NADSYN1: variants seen among roughly 807,000 people sequenced by gnomAD.
NADSYN1 encodes the protein glutamine-dependent NAD(+) synthetase.
NADSYN1 carries 80 observed loss-of-function variants against 99.3 expected under a neutral mutation model. That is an observed-to-expected ratio of 0.81 (90% confidence interval 0.67 to 0.97). The LOEUF (loss-of-function observed/expected upper bound fraction) is 0.97, where lower values mean the gene tolerates loss of function less well. NADSYN1 is among the 50% of genes least tolerant of loss of function. NADSYN1 has a pLI of 0.00. For missense variants in NADSYN1, 859 were observed against 948.5 expected (o/e 0.91, Z 1.24); for synonymous variants, 385 against 372.1 (o/e 1.03, Z -0.40).
At chr11:71,497,652 G>A (rs1209225241) in intron 19 of NADSYN1, 41 bp downstream of exon 19, 15 of 1,612,760 alleles carry the variant, frequency 9.3e-6, no homozygotes, top group Non-Finnish European at 1.3e-5. Context: ...GGCCAGTTAG[G>A]TAATGTCCCC....
chr11:71,498,804 C>G (rs948507086), intron 20 of NADSYN1: 1 of 307,994 alleles, frequency 3.2e-6, no homozygotes, highest in African/African-American at 2.2e-5. Flanking sequence ...CATGTGCGTG[C>G]CTTACCCCAC....
At chr11:71,490,730 A>C in intron 16 of NADSYN1, 115 bp from the exon 17 acceptor site, 1 of 1,455,140 alleles carries the variant, frequency 6.9e-7, no homozygotes, top group Non-Finnish European at 9.3e-7. Flanking sequence ...GGGATGCTTG[A>C]ATATGCCACA....
At chr11:71,490,807 C>G in intron 16 of NADSYN1, 38 bp from the exon 17 acceptor site, 1 of 1,611,006 alleles carries the variant, frequency 6.2e-7, no homozygotes, top group South Asian at 1.1e-5. Flanking sequence ...AGTCTGCGGC[C>G]CCTTGGGAAC....
intron 6 of NADSYN1, 124 bp from the exon 7 acceptor site, chr11:71,473,154 A>C: frequency 1.1e-6 from 1 of 907,576 alleles, no homozygotes; most frequent in Middle Eastern, 2.2e-4. Flanking sequence ...CCTCTTCGGA[A>C]TGTGCGAGAG....
intron 20 of NADSYN1, chr11:71,498,734 T>C (rs1321813666): frequency 2.0e-6 from 1 of 504,876 alleles, no homozygotes; most frequent in African/African-American, 1.9e-5. Flanking sequence ...ATATTGATGG[T>C]GTCCAACATG....
rs766306292 is a variant in NADSYN1, at chr11:71,474,563, C to G, written c.798+37C>G. ...GCCTGGACATGCCTGGGGGAGGGTT[C>G]TCTGTGCAGAGACCGAGCTCCTGGC... On this transcript the variant is annotated intron_variant, in intron 9 of 20. Transcript: ENST00000319023. The G allele has an allele frequency of 3.4e-5, 55 of 1,613,346 alleles. No homozygotes were observed. In the African/African-American group the frequency reaches 6.4e-4, roughly 19 times the overall value.
chr11:71,500,246 AG>A (rs1949848603), intron 20 of NADSYN1, among the ~76,000 whole-genome samples: 1 of 152,160 alleles, frequency 6.6e-6, no homozygotes, highest in Admixed American at 6.5e-5. Context: ...TAAGGACATG[AG>A]GAAAACCCGC....
chr11:71,454,213 T>A (rs1949498635), intron 1 of NADSYN1, among the ~76,000 whole-genome samples: 1 of 152,182 alleles, frequency 6.6e-6, no homozygotes, highest in Admixed American at 6.5e-5. Flanking sequence ...GGATTATTAT[T>A]ATGATTATTA....
At chr11:71,465,117 G>A (rs1949579136) in intron 5 of NADSYN1, among the ~76,000 whole-genome samples, 1 of 152,118 alleles carries the variant, frequency 6.6e-6, no homozygotes, top group Admixed American at 6.5e-5. Flanking sequence ...CAGAGAAGGG[G>A]CTGTCTGCAG....
Position 71,501,591 on chromosome 11 carries a change from C to T in NADSYN1, c.*239C>T, listed in dbSNP as rs1949858174. The T allele has an allele frequency of 5.7e-6, 3 of 528,980 alleles. No individual in the cohort carries two copies. Among genetic ancestry groups the T allele is most frequent in the South Asian group, 5.2e-5 (2 of 38,482 alleles). The allele number at this position is 528,980 out of a possible 1,614,324, so 32.8% of individuals were successfully genotyped here. A position where few individuals can be genotyped will look rare whatever the true frequency, so the allele number is the denominator to read the frequency against. ...TGACCTCCCGCCAGCGTGCGCTTCC[C>T]CGCGAAGTCTGGCATTCTCCGAAGG... On this transcript the variant is annotated 3_prime_UTR_variant, in exon 21 of 21. Transcript: ENST00000319023.
chr11:71,479,998 G>C (rs1949694911), intron 10 of NADSYN1: 1 of 152,248 alleles, frequency 6.6e-6, no homozygotes, highest in Admixed American at 6.5e-5. Context: ...CCACTGATGG[G>C]CATCGGGAAT....
chr11:71,488,608 C>G (rs12574554), intron 16 of NADSYN1, among the ~76,000 whole-genome samples: 1 of 150,820 alleles, frequency 6.6e-6, no homozygotes, highest in Non-Finnish European at 1.5e-5. Flanking sequence ...GGAGGGGAGG[C>G]GCAGGATAGG....
intron 16 of NADSYN1, among the ~76,000 whole-genome samples, chr11:71,489,999 A>C (rs1949768493): frequency 6.6e-6 from 1 of 152,080 alleles, no homozygotes; most frequent in African/African-American, 2.4e-5. Context: ...GACGGCTGTA[A>C]CCCAGGATCA....
chr11:71,458,439 G>A lies in NADSYN1; in HGVS notation c.158G>A (p.Cys53Tyr), dbSNP rs763960223. 2.5e-6 allele frequency: 4 copies of A among 1,613,796 alleles called. No homozygotes were observed. Among genetic ancestry groups the A allele is most frequent in the Admixed American group, 3.3e-5 (2 of 60,014 alleles). Residue 53 changes from cysteine (C) to tyrosine (Y), a missense_variant, in exon 3 of 21, where the codon TGT becomes TAT. By Grantham distance (194) the Cys-to-Tyr change is radical (BLOSUM62 -2). Transcript: ENST00000319023. Reference protein sequence around the residue: ...GPELEICGYGCWDHYYESDTL... With the variant: ...GPELEICGYGYWDHYYESDTL... ...CACTGTCTCTGCAGCGGCTACGGAT[G>A]TTGGGATCATTATTACGAGTCGGAC...
intron 9 of NADSYN1, chr11:71,476,888 A>G (rs755536666): frequency 1.5e-5 from 15 of 987,052 alleles, no homozygotes; most frequent in Non-Finnish European, 1.6e-5. Context: ...TGTTTCGTGC[A>G]TTAGAATCCG....
At chr11:71,493,189 C>T (rs1336929281) in intron 18 of NADSYN1, among the ~76,000 whole-genome samples, 2 of 152,270 alleles carry the variant, frequency 1.3e-5, no homozygotes, top group Admixed American at 6.5e-5. Flanking sequence ...CCACTGAGCC[C>T]GGCCTCTAAT....
intron 3 of NADSYN1, among the ~76,000 whole-genome samples, chr11:71,461,906 A>G (rs1393635186): frequency 6.6e-6 from 1 of 152,200 alleles, no homozygotes; most frequent in Non-Finnish European, 1.5e-5. Flanking sequence ...TCCAGAACAC[A>G]TCGGAGAGGA....
At chr11:71,474,875 C>T (rs1949654646) in intron 9 of NADSYN1, 9 of 362,114 alleles carry the variant, frequency 2.5e-5, no homozygotes, top group South Asian at 1.7e-4. Context: ...AACCCCGACA[C>T]ACAGCACATA....
rs563497884 is a variant in NADSYN1, at chr11:71,494,354, C to A, written c.1764+2451C>A. Among the ~76,000 whole-genome samples the A allele has an allele frequency of 6.2e-4, 95 of 152,270 alleles. 1 individual carries two copies. The South Asian group carries it at 0.019, about 30-fold the overall frequency. On this transcript the variant is annotated intron_variant, in intron 18 of 20. Transcript: ENST00000319023. ...ATTCAGTACAGCAACATGCTGTGCACGTGTGTAGCCTAGGAGCTCAGGCTG... is the reference window on the plus strand; with the variant it reads ...ATTCAGTACAGCAACATGCTGTGCAAGTGTGTAGCCTAGGAGCTCAGGCTG...
Sources: allele counts gnomAD v4.1 joint callset (sites outside exome capture counted in the v4.1 genomes callset), GRCh38; gene constraint gnomAD v4.1.1; transcripts MANE v1.5; gene names NCBI Gene and HGNC (gene_info 2026-07-23, HGNC 2026-07-21).